The following KCNC4 variants were observed in gnomAD, a reference collection of about 807,000 sequenced individuals.
KCNC4 encodes voltage-gated potassium channel KCNC4.
KCNC4 carries 23 observed loss-of-function variants against 42.8 expected under a neutral mutation model. The observed-to-expected ratio is 0.54, with a 90% confidence interval of 0.39 to 0.76. KCNC4 has a LOEUF of 0.76. KCNC4 is among the 30% of genes least tolerant of loss of function. The pLI is 0.00. For synonymous variants in KCNC4, 422 were observed against 393.5 expected (o/e 1.07, Z -0.86); for missense variants, 751 against 898.2 (o/e 0.84, Z 2.10).
intron 1 of KCNC4, among the ~76,000 whole-genome samples, chr1:110,268,610 GAAA>G (rs1177241176): frequency 4.9e-5 from 4 of 82,070 alleles, no homozygotes; most frequent in African/African-American, 1.8e-4. Context: ...TGTCTCAAAA[GAAA>G]AAAAAAAAAA....
chr1:110,270,497 C>T (rs1357230343), intron 1 of KCNC4, among the ~76,000 whole-genome samples: 1 of 152,174 alleles, frequency 6.6e-6, no homozygotes, highest in African/African-American at 2.4e-5. Flanking sequence ...AGCCTGATGA[C>T]CCTGTCCACA....
At chr1:110,276,056 C>A (rs1267619804) in intron 1 of KCNC4, among the ~76,000 whole-genome samples, 1 of 150,488 alleles carries the variant, frequency 6.6e-6, no homozygotes, top group African/African-American at 2.4e-5. Flanking sequence ...GAAACAAATT[C>A]AAATACCATA....
chr1:110,210,710 CCGCAGCGCTGCGCCCGGTCCGG>C lies in KCNC4; in HGVS notation c.-783_-762del, dbSNP rs992177553. Among the ~76,000 whole-genome samples the C allele has an allele frequency of 2.0e-5, 3 of 151,370 alleles. No homozygotes were observed. Among genetic ancestry groups the C allele is most frequent in the African/African-American group, 4.8e-5 (2 of 41,440 alleles). Reference sequence around the variant, plus strand: ...AGGCACCCCCGCCCCAGCGCGGCCCCCGCAGCGCTGCGCCCGGTCCGGCGCAGCTCCCAGCCGCGGACGCAGG... The same window carrying C: ...AGGCACCCCCGCCCCAGCGCGGCCCCCGCAGCTCCCAGCCGCGGACGCAGG... On this transcript the variant is annotated 5_prime_UTR_variant, in exon 1 of 4. The change creates a premature stop within an existing upstream ORF in the 5' untranslated region. Coordinates refer to ENST00000438661, the MANE Select transcript of KCNC4 (RefSeq NM_001039574.3).
chr1:110,222,153 A>G (rs900328396), intron 1 of KCNC4: 3 of 152,208 alleles, frequency 2.0e-5, no homozygotes, highest in Non-Finnish European at 4.4e-5. Flanking sequence ...CACCCTCTCA[A>G]CTGCCATGGT....
intron 3 of KCNC4, chr1:110,228,512 A>G (rs996210696): frequency 2.0e-5 from 3 of 152,784 alleles, no homozygotes; most frequent in Non-Finnish European, 2.9e-5. Context: ...CCACTGACCC[A>G]TGTGCCTTTT....
At chr1:110,231,965 A>G (rs975421612) in intron 3 of KCNC4, among the ~76,000 whole-genome samples, 1 of 152,150 alleles carries the variant, frequency 6.6e-6, no homozygotes, top group African/African-American at 2.4e-5. Flanking sequence ...CAGGAGGCCT[A>G]GCCCTAGACC....
intron 3 of KCNC4, among the ~76,000 whole-genome samples, chr1:110,229,874 G>A (rs1319035949): frequency 2.0e-5 from 3 of 152,076 alleles, no homozygotes; most frequent in Non-Finnish European, 4.4e-5. Context: ...TGACAGCAGA[G>A]CCGTGCGCCT....
At chr1:110,217,586 T>C (rs1657866870) in intron 1 of KCNC4, among the ~76,000 whole-genome samples, 1 of 152,152 alleles carries the variant, frequency 6.6e-6, no homozygotes, top group African/African-American at 2.4e-5. Flanking sequence ...CTAGACTGAA[T>C]TCCTTCTGGG....
chr1:110,278,774 C>T (rs373876942), intron 1 of KCNC4, among the ~76,000 whole-genome samples: 6 of 152,134 alleles, frequency 3.9e-5, no homozygotes, highest in African/African-American at 1.4e-4. Flanking sequence ...GTCAGCAGAA[C>T]ACCCATCATC....
chr1:110,213,170 T>TAAAAAA (rs760587471), intron 1 of KCNC4, among the ~76,000 whole-genome samples: 5,725 of 50,748 alleles, frequency 0.11, 865 homozygotes, highest in Admixed American at 0.13. Flanking sequence ...CTTCGACAGC[T>TAAAAAA]AAAAAAAAAA....
chr1:110,276,244 C>T (rs1013441306), intron 1 of KCNC4, among the ~76,000 whole-genome samples: 4 of 138,584 alleles, frequency 2.9e-5, no homozygotes, highest in Non-Finnish European at 4.5e-5. Context: ...CAGACTTCAC[C>T]ACTATATAAT....
intron 1 of KCNC4, among the ~76,000 whole-genome samples, chr1:110,282,236 G>A (rs1164298273): frequency 6.6e-6 from 1 of 152,210 alleles, no homozygotes; most frequent in African/African-American, 2.4e-5. Flanking sequence ...AGAGATGAAA[G>A]GAAAATGTCA....
chr1:110,224,149 C>T, intron 2 of KCNC4: 1 of 510,292 alleles, frequency 2.0e-6, no homozygotes, highest in Non-Finnish European at 3.5e-6. Context: ...ATGGGCAGTA[C>T]ATGGGGCTGT....
chr1:110,249,496 C>T (rs1312187845), downstream of KCNC4, among the ~76,000 whole-genome samples: 1 of 152,184 alleles, frequency 6.6e-6, no homozygotes, highest in African/African-American at 2.4e-5. Context: ...CTCGGCCCGA[C>T]TTCAGCACCA....
At chr1:110,230,561 C>A (rs1338785603) in intron 3 of KCNC4, among the ~76,000 whole-genome samples, 1 of 152,222 alleles carries the variant, frequency 6.6e-6, no homozygotes, top group African/African-American at 2.4e-5. Context: ...CCACGGCACC[C>A]ACCGCCTCCT....
At chr1:110,241,543 G>C (rs1384917129) in exon 4 of KCNC4, 1 of 152,226 alleles carries the variant, frequency 6.6e-6, no homozygotes, top group Non-Finnish European at 1.5e-5. Flanking sequence ...TTAGGGGCCA[G>C]AGCTCTACAA....
At position 110,223,498 on chromosome 1, in the gene KCNC4, A is replaced by G. The variant is rs1334653320; in HGVS notation, c.1213A>G (p.Ile405Val). Residue 405 changes from isoleucine to valine, a missense_variant, in exon 2 of 4, where the codon ATT becomes GTT. Around this residue, in one of 4 missense-constraint regions of KCNC4, gnomAD observed 185 missense variants for 293.7 expected, o/e 0.63. Coordinates refer to ENST00000438661, the MANE Select transcript of KCNC4 (RefSeq NM_001039574.3). This position sits in a 1 kb window ranked among gnomAD's most constrained non-coding sequence, Gnocchi z 7.5. ...FATMIYYAER[I>V]GARPSDPRGN... is the part of the protein sequence containing the mutation. ...CACCATGATCTACTACGCTGAGCGCATTGGGGCCAGGCCCTCCGACCCTCG... is the reference window on the plus strand; with the variant it reads ...CACCATGATCTACTACGCTGAGCGCGTTGGGGCCAGGCCCTCCGACCCTCG... The G allele has an allele frequency of 6.2e-7, 1 of 1,613,756 alleles. No individual in the cohort carries two copies. Among genetic ancestry groups the G allele is most frequent in the East Asian group, 2.2e-5 (1 of 44,872 alleles).
Position 110,232,203 on chromosome 1 carries a change from CCTT to C in KCNC4, c.1820-705_1820-703del, listed in dbSNP as rs746469886. 4 of 1,612,830 alleles carry C rather than the reference CCTT, an allele frequency of 2.5e-6. No homozygotes were observed. In the Admixed American group the frequency reaches 5.0e-5, roughly 20 times the overall value. On this transcript the variant is annotated intron_variant, in intron 3 of 3. Transcript: ENST00000438661. ...TTCTCAATAAGGTACTATTTCCTGACCTTCTCTCCTGAGACAGGCACATTCGTC... is the reference window on the plus strand; with the variant it reads ...TTCTCAATAAGGTACTATTTCCTGACCTCTCCTGAGACAGGCACATTCGTC...
intron 1 of KCNC4, among the ~76,000 whole-genome samples, chr1:110,216,997 A>G (rs773773804): frequency 6.6e-6 from 1 of 152,144 alleles, no homozygotes; most frequent in African/African-American, 2.4e-5. Flanking sequence ...CAGGAGAGAG[A>G]GCAGGGGGTC....
Sources: allele counts gnomAD v4.1 joint callset (sites outside exome capture counted in the v4.1 genomes callset), GRCh38; gene constraint gnomAD v4.1.1; regional missense constraint gnomAD v4.1.1; non-coding constraint Gnocchi (gnomAD v3.1); transcripts MANE v1.5; gene names NCBI Gene and HGNC (gene_info 2026-07-23, HGNC 2026-07-21).